Variants in RGS5 observed in about 807,000 individuals in gnomAD.
The protein encoded by RGS5 is regulator of G-protein signalling 5.
A neutral mutation model predicts 18.9 loss-of-function variants in RGS5; 20 were observed. That is an observed-to-expected ratio of 1.06 (90% CI 0.74 to 1.54). The LOEUF (loss-of-function observed/expected upper bound fraction) is 1.54. Among genes scored for constraint, RGS5 ranks in the 40% most tolerant of loss-of-function variants. The pLI is 0.00. For missense variants in RGS5, 201 were observed against 211.8 expected, an observed-to-expected ratio of 0.95 and a Z score of 0.32; for synonymous variants, 57 against 76.2, an observed-to-expected ratio of 0.75 and a Z score of 1.31.
intron 1 of RGS5, among the ~76,000 whole-genome samples, chr1:163,185,451 C>T (rs1437763042): frequency 6.6e-6 from 1 of 152,206 alleles, no homozygotes; most frequent in East Asian, 1.9e-4. Context: ...AATAGCTTCC[C>T]TTTCACGTAA....
At chr1:163,180,695 T>G (rs1557893066) in intron 1 of RGS5, among the ~76,000 whole-genome samples, 1 of 124,442 alleles carries the variant, frequency 8.0e-6, no homozygotes, top group Non-Finnish European at 1.7e-5. Flanking sequence ...TGTTTTTTTT[T>G]TTTTTTTTTT....
upstream of RGS5, among the ~76,000 whole-genome samples, chr1:163,217,871 C>T (rs190528143): frequency 1.4e-3 from 211 of 152,180 alleles, 1 homozygote; most frequent in Non-Finnish European, 2.2e-3. Flanking sequence ...AAAATTGGTA[C>T]GCAGATTACG....
chr1:163,237,408 T>C (rs1382913438), intron 2 of RGS5: 1 of 152,592 alleles, frequency 6.6e-6, no homozygotes, highest in East Asian at 1.9e-4. Context: ...AGGGGGCAGG[T>C]GTGGCGGCTC....
upstream of RGS5, among the ~76,000 whole-genome samples, chr1:163,218,512 T>C (rs534787823): frequency 1.3e-5 from 2 of 151,926 alleles, no homozygotes; most frequent in East Asian, 3.9e-4. Flanking sequence ...ACATCATGTG[T>C]TTTTAATAGT....
intron 2 of RGS5, among the ~76,000 whole-genome samples, chr1:163,265,797 T>C (rs1648560125): frequency 6.6e-6 from 1 of 152,170 alleles, no homozygotes; most frequent in Non-Finnish European, 1.5e-5. Flanking sequence ...GTTCCTGTTA[T>C]GGTTGATTTT....
At chr1:163,308,443 T>A (rs541382536) in intron 1 of RGS5, 1 of 152,174 alleles carries the variant, frequency 6.6e-6, no homozygotes, top group Admixed American at 6.5e-5. Context: ...TTATCATCTA[T>A]TATAATCATC....
Position 163,312,061 on chromosome 1 carries a change from T to C in RGS5, c.-377-5732A>G, listed in dbSNP as rs190091875. On this transcript the variant is annotated intron_variant, in intron 1 of 5. Coordinates refer to the RGS5 transcript ENST00000618415. ...CATCTTGAACTGTAATCCCCGGGTG[T>C]TGAGGGAGGGACCTGGTGGGAGGTG... Among the ~76,000 whole-genome samples the C allele has an allele frequency of 2.7e-4, 41 of 152,328 alleles. No homozygotes were observed. The East Asian group carries it at 7.5e-3, about 28-fold the overall frequency.
chr1:163,174,141 G>A (rs574739369), intron 1 of RGS5, among the ~76,000 whole-genome samples: 2 of 152,196 alleles, frequency 1.3e-5, no homozygotes, highest in South Asian at 4.1e-4. Flanking sequence ...ACTTCCCAAT[G>A]TGCAATGGGA....
At chr1:163,278,934 A>G (rs1648925928) in intron 2 of RGS5, among the ~76,000 whole-genome samples, 1 of 152,176 alleles carries the variant, frequency 6.6e-6, no homozygotes, top group Non-Finnish European at 1.5e-5. Flanking sequence ...TCAGGTTAAA[A>G]GGGACAAAGA....
At chr1:163,237,841 A>G (rs985362806) in intron 2 of RGS5, 2 of 153,798 alleles carry the variant, frequency 1.3e-5, no homozygotes, top group African/African-American at 2.4e-5. Flanking sequence ...GAAACAACAA[A>G]GGAGAAGAGC....
At chr1:163,209,880 G>C (rs527708555) in intron 1 of RGS5, among the ~76,000 whole-genome samples, 2 of 152,104 alleles carry the variant, frequency 1.3e-5, no homozygotes, top group South Asian at 2.1e-4. Context: ...TATTGAGAAG[G>C]GCATATTTTT....
chr1:163,148,514 T>G (rs1657245676), intron 4 of RGS5, among the ~76,000 whole-genome samples: 1 of 152,246 alleles, frequency 6.6e-6, no homozygotes, highest in Admixed American at 6.5e-5. Flanking sequence ...TAATAGATGC[T>G]GTTGTCTACA....
chr1:163,236,771 G>A (rs1177784466), intron 2 of RGS5, among the ~76,000 whole-genome samples: 3 of 152,078 alleles, frequency 2.0e-5, no homozygotes, highest in Non-Finnish European at 2.9e-5. Flanking sequence ...GACCATCCTG[G>A]CCAACATGGT....
chr1:163,182,469 G>A (rs577770490), intron 1 of RGS5, among the ~76,000 whole-genome samples: 244 of 152,098 alleles, frequency 1.6e-3, no homozygotes, highest in Non-Finnish European at 3.2e-3. Flanking sequence ...GGATTCCCGT[G>A]GAAATTGAGA....
intron 1 of RGS5, among the ~76,000 whole-genome samples, chr1:163,202,362 C>T (rs1659805032): frequency 6.6e-6 from 1 of 152,222 alleles, no homozygotes; most frequent in South Asian, 2.1e-4. Context: ...CTCTCGGTAT[C>T]TCCATTTTAC....
At chr1:163,300,221 G>A (rs548566617) in intron 2 of RGS5, among the ~76,000 whole-genome samples, 1 of 152,276 alleles carries the variant, frequency 6.6e-6, no homozygotes, top group African/African-American at 2.4e-5. Flanking sequence ...TGAGATAGAG[G>A]GCAGTGGTCT....
intron 2 of RGS5, among the ~76,000 whole-genome samples, chr1:163,228,565 C>T (rs186189427): frequency 1.1e-4 from 16 of 152,344 alleles, no homozygotes; most frequent in African/African-American, 3.4e-4. Context: ...AAGTCTCTGA[C>T]ACACCCTGGA....
At chr1:163,299,467 C>T (rs2101730917) in intron 2 of RGS5, among the ~76,000 whole-genome samples, 1 of 152,272 alleles carries the variant, frequency 6.6e-6, no homozygotes, top group South Asian at 2.1e-4. Context: ...CGTTCTGCCA[C>T]CGTAAGCTAA....
intron 1 of RGS5, among the ~76,000 whole-genome samples, chr1:163,168,831 A>G (rs905602406): frequency 6.6e-6 from 1 of 152,050 alleles, no homozygotes; most frequent in African/African-American, 2.4e-5. Flanking sequence ...CACTATTGTT[A>G]GATATATGAC....
Sources: allele counts gnomAD v4.1 joint callset (sites outside exome capture counted in the v4.1 genomes callset), GRCh38; gene constraint gnomAD v4.1.1; transcripts MANE v1.5; gene names NCBI Gene and HGNC (gene_info 2026-07-23, HGNC 2026-07-21).